Variants in KLHL7 observed in about 807,000 individuals in gnomAD.
KLHL7 encodes kelch like family member 7.
Under a neutral mutation model 67.4 loss-of-function variants are expected in KLHL7, and 44 were observed. That is an observed-to-expected ratio of 0.65 (90% CI 0.51 to 0.84). KLHL7 has a LOEUF of 0.84. Ranked by LOEUF, KLHL7 falls within the 40% of genes least tolerant of loss-of-function variation. KLHL7 has a pLI of 0.00. For synonymous variants in KLHL7, 252 were observed against 243.3 expected, an observed-to-expected ratio of 1.04 and a Z score of -0.33; for missense variants, 362 against 718.1, an observed-to-expected ratio of 0.50 and a Z score of 5.67.
chr7:23,117,769 G>A, intron 1 of KLHL7: 1 of 1,433,232 alleles, frequency 7.0e-7, no homozygotes, highest in Non-Finnish European at 9.4e-7. Flanking sequence ...AGCTTTTCTA[G>A]TAACTAATCC....
intron 1 of KLHL7, among the ~76,000 whole-genome samples, chr7:23,113,593 AG>A (rs779529309): frequency 1.3e-5 from 2 of 152,070 alleles, no homozygotes; most frequent in Non-Finnish European, 2.9e-5. Context: ...CACTTTGGGA[AG>A]CTGGGGCAGG....
At chr7:23,108,022 T>C (rs1291889379) in intron 1 of KLHL7, among the ~76,000 whole-genome samples, 1 of 152,192 alleles carries the variant, frequency 6.6e-6, no homozygotes, top group African/African-American at 2.4e-5. Flanking sequence ...AGAGTAGGAA[T>C]GTTTGAGTGA....
At chr7:23,165,025 G>A (rs1784960755) in intron 7 of KLHL7, among the ~76,000 whole-genome samples, 1 of 152,230 alleles carries the variant, frequency 6.6e-6, no homozygotes, top group Admixed American at 6.5e-5. Context: ...CAAACATAGT[G>A]AAGAAACAGA....
At chr7:23,125,645 C>T (rs1289531409) in intron 4 of KLHL7, 2 of 1,287,414 alleles carry the variant, frequency 1.6e-6, no homozygotes, top group South Asian at 3.8e-5. Context: ...CCCACATTGT[C>T]AAAATGCTGT....
At chr7:23,131,733 C>CTTTTTTTTT (rs59719158) in intron 4 of KLHL7, among the ~76,000 whole-genome samples, 1 of 125,260 alleles carries the variant, frequency 8.0e-6, no homozygotes, top group Non-Finnish European at 1.7e-5. Context: ...CTTATTTATT[C>CTTTTTTTTT]TTTTTTTTTT....
chr7:23,139,646 G>C (rs1784109367), intron 4 of KLHL7, among the ~76,000 whole-genome samples: 1 of 152,016 alleles, frequency 6.6e-6, no homozygotes, highest in African/African-American at 2.4e-5. Flanking sequence ...AAATATGAAA[G>C]CATCAAAATT....
intron 4 of KLHL7, among the ~76,000 whole-genome samples, chr7:23,127,128 T>TTATG (rs775763666): frequency 1.2e-4 from 18 of 152,180 alleles, no homozygotes; most frequent in Non-Finnish European, 2.5e-4. Flanking sequence ...AAATGATGGC[T>TTATG]TATGTATGTT....
intron 5 of KLHL7, among the ~76,000 whole-genome samples, chr7:23,142,185 T>C (rs779710442): frequency 2.6e-5 from 4 of 152,200 alleles, no homozygotes; most frequent in Non-Finnish European, 5.9e-5. Flanking sequence ...TGAGCCACCA[T>C]GCCTGGCTGT....
chr7:23,150,001 A>C (rs1452861142), intron 6 of KLHL7, among the ~76,000 whole-genome samples: 2 of 152,168 alleles, frequency 1.3e-5, no homozygotes, highest in Non-Finnish European at 2.9e-5. Context: ...TGCATGTGTC[A>C]GGAATTTTTG....
At chr7:23,146,316 G>A (rs777760998) in intron 6 of KLHL7, among the ~76,000 whole-genome samples, 3 of 152,128 alleles carry the variant, frequency 2.0e-5, no homozygotes, top group Non-Finnish European at 4.4e-5. Flanking sequence ...CTTTTCATTG[G>A]TGTCTCCTGG....
intron 4 of KLHL7, among the ~76,000 whole-genome samples, chr7:23,137,899 A>G (rs1282555392): frequency 1.3e-5 from 2 of 150,156 alleles, no homozygotes; most frequent in African/African-American, 4.9e-5. Flanking sequence ...AAACCTGGCC[A>G]GGCATGGTGG....
At chr7:23,117,585 T>G (rs185628223) in intron 1 of KLHL7, among the ~76,000 whole-genome samples, 35 of 152,328 alleles carry the variant, frequency 2.3e-4, no homozygotes, top group African/African-American at 8.4e-4. Context: ...CTCTTTTCCT[T>G]CTGCTTAGTC....
chr7:23,151,359 G>A (rs933795522), intron 6 of KLHL7, among the ~76,000 whole-genome samples: 1 of 152,080 alleles, frequency 6.6e-6, no homozygotes, highest in African/African-American at 2.4e-5. Flanking sequence ...TTGTTAAGTG[G>A]CACTGACAAA....
intron 1 of KLHL7, among the ~76,000 whole-genome samples, chr7:23,111,820 CAAAA>C (rs895981894): frequency 4.3e-5 from 1 of 23,234 alleles, no homozygotes. Context: ...GACTCCGTCT[CAAAA>C]AAAAAAAAAA....
At chr7:23,147,055 T>C (rs1181194977) in intron 6 of KLHL7, among the ~76,000 whole-genome samples, 2 of 152,010 alleles carry the variant, frequency 1.3e-5, no homozygotes, top group African/African-American at 4.8e-5. Flanking sequence ...CATTGTAAAT[T>C]GTATCTTTTT....
At position 23,141,066 on chromosome 7, in the gene KLHL7, T is replaced by C. The variant is rs924817999; in HGVS notation, c.618+122T>C. 44 of 881,088 alleles carry C rather than the reference T, an allele frequency of 5.0e-5. No homozygotes were observed. In the African/African-American group the frequency reaches 6.2e-4, roughly 12 times the overall value. 54.6% of individuals were successfully genotyped at this position (881,088 alleles called of 1,614,324 possible). A position where few individuals can be genotyped will look rare whatever the true frequency, so the allele number is the denominator to read the frequency against. ...TTAGGAAAGAATATGTTCTTTACACTAAACAGAGTATTGTAATCTTAGGTG... is the reference window on the plus strand; with the variant it reads ...TTAGGAAAGAATATGTTCTTTACACCAAACAGAGTATTGTAATCTTAGGTG... On this transcript the variant is annotated intron_variant, in intron 5 of 10. Coordinates refer to ENST00000339077, the MANE Select transcript of KLHL7 (RefSeq NM_001031710.3).
chr7:23,133,762 G>A (rs1463992049), intron 4 of KLHL7, among the ~76,000 whole-genome samples: 1 of 152,150 alleles, frequency 6.6e-6, no homozygotes, highest in Non-Finnish European at 1.5e-5. Context: ...ATTGTTCACT[G>A]TTGGTGTATA....
In KLHL7 at chr7:23,124,791, G is replaced by A. The variant is rs201968528; in HGVS notation, c.317+10G>A. On this transcript the variant is annotated intron_variant, in intron 3 of 10. Transcript: ENST00000339077. ...TTGCTTATACTGCTAGGTGAGTTAAGTATTATTTTTATTTTAGAGAAGTAA... is the reference window on the plus strand; with the variant it reads ...TTGCTTATACTGCTAGGTGAGTTAAATATTATTTTTATTTTAGAGAAGTAA... 1.3e-6 allele frequency: 2 copies of A among 1,525,648 alleles called. No individual in the cohort carries two copies. Among genetic ancestry groups the A allele is most frequent in the Non-Finnish European group, 1.8e-6 (2 of 1,099,482 alleles). The allele number at this position is 1,525,648 out of a possible 1,614,324, so 94.5% of individuals were successfully genotyped here.
At chr7:23,128,222 A>G (rs1783654789) in intron 4 of KLHL7, among the ~76,000 whole-genome samples, 1 of 152,038 alleles carries the variant, frequency 6.6e-6, no homozygotes, top group African/African-American at 2.4e-5. Context: ...GAAAAATAGA[A>G]TCGATACTCT....
Sources: gnomAD v4.1 joint callset for allele counts (sites outside exome capture counted in the v4.1 genomes callset) on GRCh38, gnomAD v4.1.1 for gene constraint, MANE v1.5 for transcripts, NCBI Gene and HGNC (gene_info 2026-07-23, HGNC 2026-07-21) for gene names.